The following ACYP2 variants were observed in gnomAD, a reference collection of about 807,000 sequenced individuals.
The protein encoded by ACYP2 is acylphosphatase 2, also known as acylphosphatase-2.
In ACYP2, 12 loss-of-function variants were observed where a neutral mutation model predicts 11.2. The observed-to-expected ratio is 1.08, with a 90% CI of 0.69 to 1.74. The LOEUF (loss-of-function observed/expected upper bound fraction) is 1.74. Ranked by LOEUF, ACYP2 falls within the 40% of genes most tolerant of loss-of-function variation. The pLI, the probability that ACYP2 is intolerant of heterozygous loss-of-function variation, is 0.00. For missense variants in ACYP2, 134 were observed against 101.9 expected, an observed-to-expected ratio of 1.31 and a Z score of -1.35; for synonymous variants, 43 against 32.2, an observed-to-expected ratio of 1.33 and a Z score of -1.13.
chr2:53,989,877 T>C (rs371664568), intron 2 of ACYP2, among the ~76,000 whole-genome samples: 28 of 152,198 alleles, frequency 1.8e-4, no homozygotes, highest in African/African-American at 6.8e-4. Flanking sequence ...TCCACCAGAC[T>C]GTTCCTGCCA....
In ACYP2 at chr2:54,200,269, G is replaced by T. The variant is rs151270956; in HGVS notation, c.404+61521G>T. On this transcript the variant is annotated intron_variant, in intron 6 of 6. Coordinates refer to ENST00000607452, the MANE Select transcript of ACYP2 (RefSeq NM_001320586.2). ...TGTGTGGGTGTATGTGTTTATATGT[G>T]TGTGTACATATATACATGTGCATAT... Among the ~76,000 whole-genome samples, 26 of 152,198 alleles carry T rather than the reference G, an allele frequency of 1.7e-4. No homozygotes were observed. In the East Asian group the frequency reaches 4.4e-3, roughly 26 times the overall value.
intron 2 of ACYP2, among the ~76,000 whole-genome samples, chr2:54,035,560 C>A (rs1013748703): frequency 6.6e-6 from 1 of 152,112 alleles, no homozygotes; most frequent in Non-Finnish European, 1.5e-5. Context: ...CCACCGCTCC[C>A]GGCCTAGAGA....
At chr2:54,206,999 C>T (rs1685098217) in intron 6 of ACYP2, among the ~76,000 whole-genome samples, 1 of 151,496 alleles carries the variant, frequency 6.6e-6, no homozygotes. Context: ...TCTAGAGAAG[C>T]AGAACCAATT....
chr2:54,065,020 T>A (rs1266887075), intron 4 of ACYP2, among the ~76,000 whole-genome samples: 1 of 151,532 alleles, frequency 6.6e-6, no homozygotes, highest in African/African-American at 2.4e-5. Context: ...GGAGGCGAAG[T>A]TTGCACTGAG....
intron 6 of ACYP2, chr2:54,253,714 A>C (rs1687345640): frequency 6.6e-6 from 1 of 152,202 alleles, no homozygotes; most frequent in African/African-American, 2.4e-5. Flanking sequence ...CAATCTCTTT[A>C]GTTCTTCTAT....
chr2:54,244,440 G>T (rs1251607599), intron 6 of ACYP2, among the ~76,000 whole-genome samples: 1 of 152,110 alleles, frequency 6.6e-6, no homozygotes, highest in Non-Finnish European at 1.5e-5. Context: ...GACCTCAAGT[G>T]ATCTGCCTGC....
chr2:54,066,687 T>C (rs1310105570), intron 4 of ACYP2, among the ~76,000 whole-genome samples: 1 of 152,174 alleles, frequency 6.6e-6, no homozygotes, highest in Admixed American at 6.5e-5. Context: ...GACATCTCTA[T>C]TTAATAGGGA....
At chr2:54,030,445 C>T (rs549648108) in intron 2 of ACYP2, 4 of 161,058 alleles carry the variant, frequency 2.5e-5, no homozygotes, top group South Asian at 1.9e-4. Context: ...CACTGATTTC[C>T]CTAGGTTTAA....
intron 6 of ACYP2, among the ~76,000 whole-genome samples, chr2:54,259,960 A>T (rs1687709920): frequency 6.6e-6 from 1 of 152,228 alleles, no homozygotes; most frequent in African/African-American, 2.4e-5. Flanking sequence ...ATGGGAGATG[A>T]AGCATGTGTA....
intron 2 of ACYP2, among the ~76,000 whole-genome samples, chr2:53,993,994 G>A (rs1318037842): frequency 1.3e-5 from 2 of 152,190 alleles, no homozygotes; most frequent in East Asian, 1.9e-4. Context: ...GACCATCCTG[G>A]CTAACACAGT....
At chr2:54,122,380 T>C (rs1680211059) in intron 4 of ACYP2, among the ~76,000 whole-genome samples, 1 of 152,232 alleles carries the variant, frequency 6.6e-6, no homozygotes, top group Non-Finnish European at 1.5e-5. Flanking sequence ...GGACCTTGAC[T>C]GAGCAGCATA....
chr2:54,097,764 C>T (rs1331961978), intron 4 of ACYP2, among the ~76,000 whole-genome samples: 1 of 151,688 alleles, frequency 6.6e-6, no homozygotes, highest in Non-Finnish European at 1.5e-5. Flanking sequence ...AGAAATGCTT[C>T]CCTGTATCTA....
intron 6 of ACYP2, among the ~76,000 whole-genome samples, chr2:54,177,175 G>T (rs746593255): frequency 6.6e-6 from 1 of 152,096 alleles, no homozygotes; most frequent in African/African-American, 2.4e-5. Context: ...GGCTGACCAC[G>T]ATGGGATACA....
chr2:54,031,755 G>A (rs531634637), intron 2 of ACYP2, among the ~76,000 whole-genome samples: 43 of 152,230 alleles, frequency 2.8e-4, no homozygotes, highest in African/African-American at 7.9e-4. Flanking sequence ...GTGTAAAAGC[G>A]TTCCTATTCC....
At chr2:54,153,488 G>A (rs1251748281) in intron 6 of ACYP2, among the ~76,000 whole-genome samples, 2 of 146,130 alleles carry the variant, frequency 1.4e-5, no homozygotes, top group Non-Finnish European at 3.0e-5. Context: ...TGTGTGTGTG[G>A]TTCTATATAA....
At chr2:54,114,596 A>G (rs1239611359) in intron 4 of ACYP2, among the ~76,000 whole-genome samples, 2 of 152,116 alleles carry the variant, frequency 1.3e-5, no homozygotes, top group African/African-American at 4.8e-5. Context: ...AGGCAGGACA[A>G]TTTCTTGAAC....
At chr2:54,079,113 G>C (rs905555029) in intron 4 of ACYP2, among the ~76,000 whole-genome samples, 3 of 152,190 alleles carry the variant, frequency 2.0e-5, no homozygotes, top group Admixed American at 2.0e-4. Flanking sequence ...TCAGTGAGGA[G>C]GAGCTGGGAG....
chr2:54,053,704 C>A (rs538518668), intron 3 of ACYP2, among the ~76,000 whole-genome samples: 1 of 152,356 alleles, frequency 6.6e-6, no homozygotes, highest in African/African-American at 2.4e-5. Context: ...GAGCTCTGAT[C>A]CCTTCCTCCA....
chr2:54,082,396 C>T (rs1677711790), intron 4 of ACYP2, among the ~76,000 whole-genome samples: 1 of 152,066 alleles, frequency 6.6e-6, no homozygotes. Flanking sequence ...CAGGCGCATA[C>T]TCCCATGCCC....
Sources: gnomAD v4.1 joint callset for allele counts (sites outside exome capture counted in the v4.1 genomes callset) on GRCh38, gnomAD v4.1.1 for gene constraint, MANE v1.5 for transcripts, NCBI Gene and HGNC (gene_info 2026-07-23, HGNC 2026-07-21) for gene names.